B4GALT5: variants seen among roughly 807,000 people sequenced by gnomAD.
B4GALT5 encodes beta-1,4-galactosyltransferase 5, also known as UDP-Gal:beta-GlcNAc beta-1,4-galactosyltransferase 5.
Under a neutral mutation model 45.0 loss-of-function variants are expected in B4GALT5, and 11 were observed. The observed-to-expected ratio is 0.24, with a 90% CI of 0.15 to 0.40. The LOEUF (loss-of-function observed/expected upper bound fraction) is 0.40. Ranked by LOEUF, B4GALT5 falls within the 10% of genes least tolerant of loss-of-function variation. The pLI is 1.00. For missense variants in B4GALT5, 337 were observed against 500.2 expected (o/e 0.67, Z 3.11); for synonymous variants, 185 against 182.9 (o/e 1.01, Z -0.09).
chr20:49,636,964 C>T lies in B4GALT5; in HGVS notation c.1019+377G>A, dbSNP rs143579371. ...GAAAGAAAAGGTAACACAGCAACTG[C>T]AGCCACCCAGACAGAAGCTCAGGAC... On this transcript the variant is annotated intron_variant, in intron 8 of 8. Coordinates refer to ENST00000371711, the MANE Select transcript of B4GALT5 (RefSeq NM_004776.4). Among the ~76,000 whole-genome samples the T allele has an allele frequency of 2.3e-4, 34 of 148,690 alleles. No homozygotes were observed. The East Asian group carries it at 6.3e-3, about 28-fold the overall frequency.
chr20:49,646,994 T>C lies in B4GALT5; in HGVS notation c.335A>G (p.His112Arg). ...LPEDFTYFAN[H>R]TCPERLPSMK... ...GGAAGGGAGTCTTTCAGGGCAGGTATGGTTTGCAAAGTAGGTGAAGTCTTC... is the reference window on the plus strand; with the variant it reads ...GGAAGGGAGTCTTTCAGGGCAGGTACGGTTTGCAAAGTAGGTGAAGTCTTC... Residue 112 changes from histidine (H) to arginine (R), a missense_variant, in exon 3 of 9, where the codon CAT (histidine) becomes CGT (arginine). By Grantham distance (29) the His-to-Arg change is conservative (BLOSUM62 0). Transcript: ENST00000371711. 1.2e-6 allele frequency: 2 copies of C among 1,613,692 alleles called. No individual in the cohort carries two copies. The highest frequency in any genetic ancestry group is 1.3e-5 in the African/African-American group (1 of 75,034).
At chr20:49,662,874 G>C (rs988603277) in intron 1 of B4GALT5, among the ~76,000 whole-genome samples, 17 of 152,176 alleles carry the variant, frequency 1.1e-4, no homozygotes, top group African/African-American at 3.9e-4. Context: ...AAAGGAGACT[G>C]GTTGAATACA....
At chr20:49,640,706 GA>G (rs2085573413) in intron 5 of B4GALT5, 41 bp from the exon 6 acceptor site, 1 of 1,537,142 alleles carries the variant, frequency 6.5e-7, no homozygotes, top group Non-Finnish European at 8.7e-7. Context: ...AATCTTGAAG[GA>G]AAATCTTTGC....
At chr20:49,675,242 A>G (rs1430336110) in intron 1 of B4GALT5, among the ~76,000 whole-genome samples, 2 of 152,176 alleles carry the variant, frequency 1.3e-5, no homozygotes, top group East Asian at 1.9e-4. Flanking sequence ...ACAAAAGTCA[A>G]TTCCCAAGCC....
intron 1 of B4GALT5, among the ~76,000 whole-genome samples, chr20:49,670,311 G>A (rs935799333): frequency 6.6e-6 from 1 of 152,178 alleles, no homozygotes; most frequent in Admixed American, 6.5e-5. Context: ...ATAAGAACAT[G>A]TATCAGGCTA....
At chr20:49,654,204 G>T (rs1357608471) in intron 2 of B4GALT5, among the ~76,000 whole-genome samples, 1 of 152,192 alleles carries the variant, frequency 6.6e-6, no homozygotes, top group East Asian at 1.9e-4. Context: ...CAGGATTTTG[G>T]CAGGGTTTAG....
chr20:49,640,084 GT>G (rs1255368792), intron 6 of B4GALT5, among the ~76,000 whole-genome samples: 2 of 152,048 alleles, frequency 1.3e-5, no homozygotes, highest in African/African-American at 4.8e-5. Flanking sequence ...ATATTAACAT[GT>G]TTCATCACTG....
intron 5 of B4GALT5, among the ~76,000 whole-genome samples, chr20:49,641,736 T>G (rs560049757): frequency 2.0e-4 from 30 of 152,306 alleles, no homozygotes; most frequent in African/African-American, 6.5e-4. Flanking sequence ...ACCCTCAGAC[T>G]GACGATCAGT....
chr20:49,636,722 G>A (rs930944666), intron 8 of B4GALT5, among the ~76,000 whole-genome samples: 17 of 152,216 alleles, frequency 1.1e-4, no homozygotes, highest in African/African-American at 3.9e-4. Flanking sequence ...AGGAAGCCAA[G>A]GCTTAATAAT....
At chr20:49,643,778 C>A in intron 3 of B4GALT5, 128 bp from the exon 4 acceptor site, 1 of 949,276 alleles carries the variant, frequency 1.1e-6, no homozygotes, top group Non-Finnish European at 1.5e-6. Flanking sequence ...GATGGAAGTC[C>A]CTTCCTCTGC....
chr20:49,692,871 TAC>T (rs748803580), intron 1 of B4GALT5, among the ~76,000 whole-genome samples: 2 of 152,232 alleles, frequency 1.3e-5, no homozygotes, highest in South Asian at 2.1e-4. Flanking sequence ...TGTTGTATCT[TAC>T]ACAGTCATGT....
At chr20:49,713,102 G>A (rs1484569048) in intron 1 of B4GALT5, among the ~76,000 whole-genome samples, 2 of 151,852 alleles carry the variant, frequency 1.3e-5, no homozygotes, top group Non-Finnish European at 2.9e-5. Flanking sequence ...GGAGCTAGAA[G>A]GTGGGGCGGC....
intron 1 of B4GALT5, among the ~76,000 whole-genome samples, chr20:49,668,055 G>A (rs1400704576): frequency 6.6e-6 from 1 of 152,124 alleles, no homozygotes; most frequent in African/African-American, 2.4e-5. Context: ...AGAGAACTGG[G>A]AGGAGGGGGG....
intron 5 of B4GALT5, 134 bp downstream of exon 5, chr20:49,642,334 C>A (rs973349170): frequency 1.9e-5 from 13 of 693,760 alleles, no homozygotes; most frequent in Middle Eastern, 3.4e-4. Flanking sequence ...CTCTGCTCCC[C>A]CTTCAAACCT....
intron 2 of B4GALT5, among the ~76,000 whole-genome samples, chr20:49,650,857 C>T (rs566289073): frequency 2.1e-4 from 32 of 152,264 alleles, no homozygotes; most frequent in Admixed American, 1.8e-3. Flanking sequence ...AAAGCATGTA[C>T]CTACTGAATG....
intron 1 of B4GALT5, among the ~76,000 whole-genome samples, chr20:49,706,870 T>C (rs545868140): frequency 1.3e-5 from 2 of 152,318 alleles, no homozygotes; most frequent in Middle Eastern, 3.4e-3. Context: ...GTGCCGAACA[T>C]ACTTCCAAGA....
chr20:49,702,913 C>T (rs1406067753), intron 1 of B4GALT5, among the ~76,000 whole-genome samples: 3 of 151,788 alleles, frequency 2.0e-5, no homozygotes, highest in African/African-American at 4.8e-5. Flanking sequence ...GTGGCTCACG[C>T]CTGTAATGTC....
intron 1 of B4GALT5, among the ~76,000 whole-genome samples, chr20:49,686,095 T>C (rs1181821783): frequency 2.0e-5 from 3 of 152,220 alleles, no homozygotes; most frequent in Non-Finnish European, 2.9e-5. Flanking sequence ...GCAGAATGAT[T>C]TGGAAAACCG....
intron 7 of B4GALT5, among the ~76,000 whole-genome samples, chr20:49,637,692 G>C (rs1371058722): frequency 3.9e-5 from 6 of 151,958 alleles, no homozygotes; most frequent in Non-Finnish European, 7.4e-5. Flanking sequence ...CCAGCACTTT[G>C]GGAGGCCGAG....
Sources: allele counts gnomAD v4.1 joint callset (sites outside exome capture counted in the v4.1 genomes callset), GRCh38; gene constraint gnomAD v4.1.1; transcripts MANE v1.5; gene names NCBI Gene and HGNC (gene_info 2026-07-23, HGNC 2026-07-21).